The following LAMA2 variants were observed in gnomAD, a reference collection of about 807,000 sequenced individuals.
The protein encoded by LAMA2 is laminin subunit alpha-2.
In LAMA2, 269 loss-of-function variants were observed where a neutral mutation model predicts 364.8. The ratio of observed to expected loss-of-function variants is 0.74; its 90% CI spans 0.67 to 0.82. The LOEUF is 0.82. Ranked by LOEUF, LAMA2 falls within the 40% of genes least tolerant of loss-of-function variation. LAMA2 has a pLI of 0.00. For synonymous variants in LAMA2, 1,379 were observed against 1,370.6 expected, an observed-to-expected ratio of 1.01 and a Z score of -0.14; for missense variants, 3,807 against 3,873.2, an observed-to-expected ratio of 0.98 and a Z score of 0.45.
At chr6:129,075,051 A>G (rs1225753178) in intron 3 of LAMA2, among the ~76,000 whole-genome samples, 1 of 152,216 alleles carries the variant, frequency 6.6e-6, no homozygotes, top group Admixed American at 6.5e-5. Context: ...TCAAGTAAAC[A>G]ATTTAGAATA....
intron 1 of LAMA2, among the ~76,000 whole-genome samples, chr6:129,026,076 C>T (rs997864831): frequency 6.6e-5 from 10 of 152,234 alleles, no homozygotes; most frequent in African/African-American, 2.4e-4. Context: ...CAGTAAAATG[C>T]CCTTCACTTA....
At chr6:128,974,110 T>C (rs1381036260) in intron 1 of LAMA2, among the ~76,000 whole-genome samples, 1 of 152,206 alleles carries the variant, frequency 6.6e-6, no homozygotes, top group East Asian at 1.9e-4. Context: ...GACACCAGCA[T>C]GCTGTGCACA....
intron 22 of LAMA2, among the ~76,000 whole-genome samples, chr6:129,303,631 A>C (rs1308888870): frequency 6.6e-6 from 1 of 152,110 alleles, no homozygotes; most frequent in African/African-American, 2.4e-5. Flanking sequence ...TATGTGTTCA[A>C]TTTTGTTAAA....
chr6:129,158,673 C>T (rs1464990451), intron 8 of LAMA2: 7 of 1,614,054 alleles, frequency 4.3e-6, no homozygotes, highest in Non-Finnish European at 1.7e-6. Context: ...CCATCGAATG[C>T]TGCCATCAAA....
rs749875919 is a variant in LAMA2, at chr6:129,464,294, C to G, written c.6997C>G (p.Gln2333Glu). The G allele has an allele frequency of 1.5e-5, 24 of 1,611,326 alleles. No individual in the cohort carries two copies. The highest frequency in any genetic ancestry group is 1.8e-5 in the Non-Finnish European group (21 of 1,178,028). ...GDCKGCTVSPQVEDSEGTIQF... is the reference protein window; with the variant it reads ...GDCKGCTVSPEVEDSEGTIQF... ...GTGAAATGTCTCTCTTCTCAGTCCT[C>G]AGGTGGAAGATAGTGAGGGGACTAT... Residue 2333 changes from glutamine to glutamate, a missense_variant, in exon 50 of 65, where the codon CAG becomes GAG. Around this residue, in one of 3 missense-constraint regions of LAMA2, gnomAD observed 3,333 missense variants for 3,345.7 expected, o/e 1.00. Coordinates refer to ENST00000421865, the MANE Select transcript of LAMA2 (RefSeq NM_000426.4).
intron 51 of LAMA2, among the ~76,000 whole-genome samples, chr6:129,468,438 A>G (rs1221342820): frequency 6.6e-6 from 1 of 151,842 alleles, no homozygotes; most frequent in Admixed American, 6.6e-5. Flanking sequence ...TATTTTCTCT[A>G]ATACTTTTAA....
intron 3 of LAMA2, among the ~76,000 whole-genome samples, chr6:129,076,483 C>T (rs1448134888): frequency 2.9e-4 from 5 of 17,038 alleles, no homozygotes; most frequent in African/African-American, 5.8e-4. Flanking sequence ...TATAATATAT[C>T]TTATATATTA....
chr6:129,404,948 G>A (rs1027424652), intron 40 of LAMA2, among the ~76,000 whole-genome samples: 1 of 152,006 alleles, frequency 6.6e-6, no homozygotes, highest in Non-Finnish European at 1.5e-5. Flanking sequence ...TGAGCAATTT[G>A]TACTGTTTTT....
chr6:129,465,215 C>G lies in LAMA2; in HGVS notation c.7226C>G (p.Ala2409Gly). The G allele has an allele frequency of 6.2e-7, 1 of 1,610,976 alleles. No homozygotes were observed. Reference protein sequence around the residue: ...KVSYDLGSGMASVVSNQNHND... With the variant: ...KVSYDLGSGMGSVVSNQNHND... ...AGTTACGATCTGGGCTCAGGAATGG[C>G]TTCCGTTGTCAGCAATCAAAACCAT... The change falls in exon 51 of 65, where the codon GCT (alanine) becomes GGT (glycine). Residue 2409 changes from alanine (A) to glycine (G), a missense_variant. Ala to Gly is a moderately conservative substitution (Grantham distance 60, BLOSUM62 0). Coordinates refer to ENST00000421865, the MANE Select transcript of LAMA2 (RefSeq NM_000426.4).
At chr6:128,948,740 G>A (rs1239315134) in intron 1 of LAMA2, among the ~76,000 whole-genome samples, 1 of 152,056 alleles carries the variant, frequency 6.6e-6, no homozygotes, top group African/African-American at 2.4e-5. Context: ...GTTCCCATGA[G>A]ATCTGGTTGT....
At chr6:128,942,393 T>C (rs187608112) in intron 1 of LAMA2, among the ~76,000 whole-genome samples, 268 of 152,292 alleles carry the variant, frequency 1.8e-3, no homozygotes, top group African/African-American at 6.1e-3. Context: ...GTCTTCCCAT[T>C]GAAGACTACA....
chr6:129,291,124 A>G (rs1310840954), intron 19 of LAMA2, among the ~76,000 whole-genome samples: 1 of 152,172 alleles, frequency 6.6e-6, no homozygotes, highest in Admixed American at 6.5e-5. Context: ...AAAATTCCTC[A>G]AAATTATTTT....
chr6:128,918,213 A>G (rs1778468716), intron 1 of LAMA2, among the ~76,000 whole-genome samples: 1 of 152,210 alleles, frequency 6.6e-6, no homozygotes. Flanking sequence ...GATGTTTACC[A>G]AAACACTGGT....
In LAMA2 at chr6:129,018,318, AG is replaced by A. The variant is rs200529505; in HGVS notation, c.113-31599del. On this transcript the variant is annotated intron_variant, in intron 1 of 64. Coordinates refer to ENST00000421865, the MANE Select transcript of LAMA2 (RefSeq NM_000426.4). Reference sequence around the variant, plus strand: ...ATGTAGTAACTTTAAGGTGGTAGAAAGTGTCAGGAAATCAATTTGAAGGCAA... The same window carrying A: ...ATGTAGTAACTTTAAGGTGGTAGAAATGTCAGGAAATCAATTTGAAGGCAA... Among the ~76,000 whole-genome samples, 1,117 of 152,088 alleles carry A rather than the reference AG, an allele frequency of 7.3e-3. 16 individuals carry two copies. The highest frequency in any genetic ancestry group is 0.025 in the African/African-American group (1,057 of 41,538).
intron 1 of LAMA2, among the ~76,000 whole-genome samples, chr6:128,991,581 G>A (rs146805786): frequency 1.3e-5 from 2 of 152,140 alleles, no homozygotes; most frequent in Non-Finnish European, 2.9e-5. Flanking sequence ...GAAGTGAAAA[G>A]CATTATTTTA....
rs1278497535 is a variant in LAMA2, at chr6:129,271,260, G to T, written c.2450+509G>T. ...TCCCTTCTTTTTAGAAAAATTCGTT[G>T]TTCACCTAGAACAACCACCTCTTAG... On this transcript the variant is annotated intron_variant, in intron 17 of 64. Coordinates refer to ENST00000421865, the MANE Select transcript of LAMA2 (RefSeq NM_000426.4). Among the ~76,000 whole-genome samples the T allele has an allele frequency of 3.3e-5, 5 of 151,856 alleles. No individual in the cohort carries two copies. In the East Asian group the frequency reaches 9.7e-4, roughly 29 times the overall value.
Position 128,961,318 on chromosome 6 carries a change from G to GATATATATATAT in LAMA2, c.112+78000_112+78011dup, listed in dbSNP as rs58772123. On this transcript the variant is annotated intron_variant, in intron 1 of 64. Coordinates refer to ENST00000421865, the MANE Select transcript of LAMA2 (RefSeq NM_000426.4). ...TTCTGTAGAGGGACAGAACTAATAT[G>GATATATATATAT]ATATATATATATATATATATATATA... Among the ~76,000 whole-genome samples the GATATATATATAT allele has an allele frequency of 9.7e-4, 56 of 57,774 alleles. 1 individual carries two copies. Among genetic ancestry groups the GATATATATATAT allele is most frequent in the Non-Finnish European group, 1.4e-3 (39 of 26,950 alleles). The allele number at this position is 57,774 out of a possible 152,430, so 37.9% of individuals were successfully genotyped here.
At chr6:129,393,314 G>T in intron 37 of LAMA2, 59 bp downstream of exon 37, 1 of 1,255,682 alleles carries the variant, frequency 8.0e-7, no homozygotes. Context: ...CGGGGGCAGT[G>T]TTGAACATGG....
At chr6:129,373,727 C>A (rs1049116956) in intron 34 of LAMA2, among the ~76,000 whole-genome samples, 1 of 152,052 alleles carries the variant, frequency 6.6e-6, no homozygotes, top group East Asian at 1.9e-4. Context: ...GGTAAGCTGT[C>A]CCTCAATTGG....
Sources: allele counts gnomAD v4.1 joint callset (sites outside exome capture counted in the v4.1 genomes callset), GRCh38; gene constraint gnomAD v4.1.1; regional missense constraint gnomAD v4.1.1; transcripts MANE v1.5; gene names NCBI Gene and HGNC (gene_info 2026-07-23, HGNC 2026-07-21).